LRFN2: variants seen among roughly 807,000 people sequenced by gnomAD.
LRFN2 encodes the protein leucine-rich repeat and fibronectin type-III domain-containing protein 2.
In LRFN2, 18 loss-of-function variants were observed where a neutral mutation model predicts 37.3. The ratio of observed to expected loss-of-function variants is 0.48; its 90% CI spans 0.33 to 0.72. The LOEUF is 0.72. LRFN2 is among the 30% of genes least tolerant of loss of function. LRFN2 has a pLI of 0.02. For missense variants in LRFN2, 1,006 were observed against 1,060.7 expected, an observed-to-expected ratio of 0.95 and a Z score of 0.72; for synonymous variants, 556 against 466.6, an observed-to-expected ratio of 1.19 and a Z score of -2.47.
At chr6:40,463,527 A>C (rs543437513) in intron 1 of LRFN2, among the ~76,000 whole-genome samples, 13 of 152,282 alleles carry the variant, frequency 8.5e-5, no homozygotes, top group Non-Finnish European at 1.8e-4. Context: ...AATGGGTGCT[A>C]GTGTCCCACA....
At chr6:40,493,821 A>G (rs950747561) in intron 1 of LRFN2, among the ~76,000 whole-genome samples, 2 of 152,240 alleles carry the variant, frequency 1.3e-5, no homozygotes, top group Non-Finnish European at 2.9e-5. Context: ...GCCAGGCTCT[A>G]GAACCCCAGT....
chr6:40,446,221 A>G (rs988047645), intron 1 of LRFN2, among the ~76,000 whole-genome samples: 4 of 152,214 alleles, frequency 2.6e-5, no homozygotes, highest in African/African-American at 9.7e-5. Context: ...TCCTGAATCC[A>G]AGGCTGGGGT....
chr6:40,571,878 C>T (rs1767194380), intron 1 of LRFN2, among the ~76,000 whole-genome samples: 1 of 152,326 alleles, frequency 6.6e-6, no homozygotes, highest in Non-Finnish European at 1.5e-5. Context: ...GTCTCCATGG[C>T]ACTTCTCAAT....
chr6:40,536,575 A>G (rs1766452474), intron 1 of LRFN2, among the ~76,000 whole-genome samples: 2 of 152,292 alleles, frequency 1.3e-5, no homozygotes, highest in South Asian at 2.1e-4. Flanking sequence ...AGCAGGGAAC[A>G]TGGGAAATGA....
intron 1 of LRFN2, among the ~76,000 whole-genome samples, chr6:40,453,715 G>T (rs1033527917): frequency 4.6e-5 from 7 of 152,146 alleles, no homozygotes; most frequent in African/African-American, 1.7e-4. Flanking sequence ...GGAGTATTTT[G>T]AGTTTTACTC....
At chr6:40,408,280 C>T (rs916638828) in intron 2 of LRFN2, among the ~76,000 whole-genome samples, 1 of 152,074 alleles carries the variant, frequency 6.6e-6, no homozygotes, top group Non-Finnish European at 1.5e-5. Context: ...GCCAATTCTA[C>T]CAGGTGAGCA....
intron 1 of LRFN2, among the ~76,000 whole-genome samples, chr6:40,486,197 G>A (rs561868536): frequency 4.6e-5 from 7 of 152,336 alleles, no homozygotes; most frequent in African/African-American, 1.7e-4. Flanking sequence ...GCAGGTGTGG[G>A]CAGTGGGCAG....
chr6:40,554,454 G>A (rs1447571280), intron 1 of LRFN2, among the ~76,000 whole-genome samples: 2 of 152,174 alleles, frequency 1.3e-5, no homozygotes, highest in East Asian at 3.8e-4. Context: ...GAATGGGAGG[G>A]AGAGGTAGAT....
intron 1 of LRFN2, among the ~76,000 whole-genome samples, chr6:40,443,267 CTACCTTTACTGTTTT>C (rs2113835806): frequency 6.6e-6 from 1 of 152,290 alleles, no homozygotes; most frequent in African/African-American, 2.4e-5. Flanking sequence ...TCAGCTGTGA[CTACCTTTACTGTTTT>C]TGAGCCCCCA....
intron 1 of LRFN2, among the ~76,000 whole-genome samples, chr6:40,577,370 G>A (rs71544436): frequency 0.51 from 77,785 of 151,666 alleles, 20,334 homozygotes; most frequent in Middle Eastern, 0.6. Flanking sequence ...CCAAAGTGCT[G>A]GGATTACAGG....
chr6:40,451,303 G>A (rs1466873493), intron 1 of LRFN2, among the ~76,000 whole-genome samples: 2 of 152,162 alleles, frequency 1.3e-5, no homozygotes, highest in African/African-American at 2.4e-5. Flanking sequence ...AAGAAGTGGG[G>A]CCTCACTGAA....
At chr6:40,439,633 G>T (rs1163828207) in intron 1 of LRFN2, among the ~76,000 whole-genome samples, 2 of 152,182 alleles carry the variant, frequency 1.3e-5, no homozygotes, top group Admixed American at 1.3e-4. Flanking sequence ...TCCCTGCAGG[G>T]TGCCCATACA....
At position 40,432,208 on chromosome 6, in the gene LRFN2, C is replaced by T; in HGVS notation, c.906G>A (p.Glu302=). ...TGCACTTGAGTGTGGCCGCCTGGCCCTCCAGAACCAGCAACTTGTGTGTGT... is the reference window on the plus strand; with the variant it reads ...TGCACTTGAGTGTGGCCGCCTGGCCTTCCAGAACCAGCAACTTGTGTGTGT... The part of the protein sequence containing the change: ...TQHTHKLLVL[E]GQAATLKCKA... Residue 302 remains glutamate (E), a synonymous_variant, in exon 2 of 3, where the codon GAG becomes GAA. Coordinates refer to ENST00000338305, the MANE Select transcript of LRFN2 (RefSeq NM_020737.3). 3 of 1,613,934 alleles carry T rather than the reference C, an allele frequency of 1.9e-6. No individual in the cohort carries two copies. Among genetic ancestry groups the T allele is most frequent in the Admixed American group, 1.7e-5 (1 of 60,028 alleles).
intron 2 of LRFN2, among the ~76,000 whole-genome samples, chr6:40,416,787 G>A (rs1205517448): frequency 2.0e-5 from 3 of 152,096 alleles, no homozygotes; most frequent in Admixed American, 6.5e-5. Flanking sequence ...TCCACTGTTC[G>A]CCAGTCCCAG....
chr6:40,432,875 T>C lies in LRFN2; in HGVS notation c.239A>G (p.Asp80Gly), dbSNP rs1390408196. 5 of 1,614,196 alleles carry C rather than the reference T, an allele frequency of 3.1e-6. No individual in the cohort carries two copies. Among genetic ancestry groups the C allele is most frequent in the Non-Finnish European group, 4.2e-6 (5 of 1,180,048 alleles). The change falls in exon 2 of 3, where the codon GAC (aspartate) becomes GGC (glycine). Residue 80 changes from aspartate (D) to glycine (G), a missense_variant. By Grantham distance (94) the Asp-to-Gly change is moderately conservative. Around this residue, in one of 4 missense-constraint regions of LRFN2, gnomAD observed 185 missense variants for 254.9 expected, o/e 0.73. Coordinates refer to ENST00000338305, the MANE Select transcript of LRFN2 (RefSeq NM_020737.3). ...QDFANMTGLV[D>G]LTLSRNTISH... Reference sequence around the variant, plus strand: ...GATGGTGTTCCTGGACAGGGTCAGGTCCACCAGCCCCGTCATGTTGGCAAA... The same window carrying C: ...GATGGTGTTCCTGGACAGGGTCAGGCCCACCAGCCCCGTCATGTTGGCAAA...
chr6:40,434,743 G>T (rs563499072), intron 1 of LRFN2, among the ~76,000 whole-genome samples: 341 of 151,736 alleles, frequency 2.2e-3, no homozygotes, highest in African/African-American at 7.9e-3. Context: ...CTCCCAAAGT[G>T]CTGGGATTAC....
At chr6:40,500,580 T>C (rs1765354140) in intron 1 of LRFN2, among the ~76,000 whole-genome samples, 1 of 152,200 alleles carries the variant, frequency 6.6e-6, no homozygotes. Context: ...CACAGAGGCT[T>C]TCATACAAGG....
intron 1 of LRFN2, among the ~76,000 whole-genome samples, chr6:40,437,979 G>A (rs945883982): frequency 6.6e-6 from 1 of 152,248 alleles, no homozygotes; most frequent in African/African-American, 2.4e-5. Context: ...GGCAGGAGGG[G>A]CAGTGGGATT....
chr6:40,485,284 G>A (rs1383369478), intron 1 of LRFN2, among the ~76,000 whole-genome samples: 1 of 152,152 alleles, frequency 6.6e-6, no homozygotes, highest in African/African-American at 2.4e-5. Flanking sequence ...ATCGTGGAGA[G>A]AAAAAGCCCC....
Sources: allele counts gnomAD v4.1 joint callset (sites outside exome capture counted in the v4.1 genomes callset), GRCh38; gene constraint gnomAD v4.1.1; regional missense constraint gnomAD v4.1.1; transcripts MANE v1.5; gene names NCBI Gene and HGNC (gene_info 2026-07-23, HGNC 2026-07-21).